Variants in ANO2 observed in about 807,000 individuals in gnomAD.
ANO2 encodes the protein anoctamin 2, also known as anoctamin-2.
Under a neutral mutation model 124.2 loss-of-function variants are expected in ANO2, and 101 were observed. The ratio of observed to expected loss-of-function variants is 0.81; its 90% CI spans 0.69 to 0.96. The LOEUF (loss-of-function observed/expected upper bound fraction) is 0.96, where lower values mean the gene tolerates loss of function less well. Among genes scored for constraint, ANO2 ranks in the 40% least tolerant of loss-of-function variants. ANO2 has a pLI of 0.00. For missense variants in ANO2, 1,293 were observed against 1,274.5 expected, an observed-to-expected ratio of 1.01 and a Z score of -0.22; for synonymous variants, 486 against 482.5, an observed-to-expected ratio of 1.01 and a Z score of -0.09.
At chr12:5,752,877 T>C (rs886109969) in intron 10 of ANO2, among the ~76,000 whole-genome samples, 12 of 152,190 alleles carry the variant, frequency 7.9e-5, no homozygotes, top group African/African-American at 2.9e-4. Flanking sequence ...CCATTTTAAG[T>C]TGGGTTTTTG....
At chr12:5,795,580 C>T (rs548071894) in intron 10 of ANO2, among the ~76,000 whole-genome samples, 1 of 152,332 alleles carries the variant, frequency 6.6e-6, no homozygotes, top group African/African-American at 2.4e-5. Context: ...CCCATGCTGT[C>T]ACAGGCAGGC....
chr12:5,704,631 C>CA (rs1396176966), intron 14 of ANO2, among the ~76,000 whole-genome samples: 1 of 152,008 alleles, frequency 6.6e-6, no homozygotes, highest in Non-Finnish European at 1.5e-5. Context: ...GGCATTTGGA[C>CA]CTGATTCTGC....
At chr12:5,669,918 T>G (rs1256697435) in intron 14 of ANO2, among the ~76,000 whole-genome samples, 1 of 152,238 alleles carries the variant, frequency 6.6e-6, no homozygotes, top group Non-Finnish European at 1.5e-5. Context: ...GAATTGCTGA[T>G]CCTTCACAGA....
At chr12:5,944,691 C>A (rs952445858) in intron 1 of ANO2, among the ~76,000 whole-genome samples, 1 of 152,150 alleles carries the variant, frequency 6.6e-6, no homozygotes, top group Non-Finnish European at 1.5e-5. Context: ...TTCCTGAATG[C>A]GGTTTTGGGT....
At chr12:5,607,100 T>C (rs1010697762) in intron 19 of ANO2, among the ~76,000 whole-genome samples, 8 of 149,742 alleles carry the variant, frequency 5.3e-5, no homozygotes, top group Admixed American at 2.0e-4. Flanking sequence ...TTAAAATGAA[T>C]ATGTACCTCC....
intron 3 of ANO2, among the ~76,000 whole-genome samples, chr12:5,882,416 A>G (rs1938565432): frequency 6.6e-6 from 1 of 152,212 alleles, no homozygotes; most frequent in African/African-American, 2.4e-5. Context: ...CTTGAGGAAG[A>G]GAATTTTGAG....
At chr12:5,879,887 A>T (rs898040278) in intron 3 of ANO2, among the ~76,000 whole-genome samples, 2 of 152,192 alleles carry the variant, frequency 1.3e-5, no homozygotes, top group Non-Finnish European at 2.9e-5. Flanking sequence ...GAAAGATTTT[A>T]ATGAGGAAAT....
chr12:5,651,056 G>A (rs1946893279), intron 14 of ANO2, among the ~76,000 whole-genome samples: 1 of 152,246 alleles, frequency 6.6e-6, no homozygotes, highest in Non-Finnish European at 1.5e-5. Flanking sequence ...AGAGAGCTTT[G>A]TAAACTGGAA....
chr12:5,779,836 C>T (rs1952333031), intron 10 of ANO2, among the ~76,000 whole-genome samples: 2 of 152,100 alleles, frequency 1.3e-5, no homozygotes, highest in Non-Finnish European at 2.9e-5. Context: ...ATCCTTTAGT[C>T]CTCAAAAATT....
At chr12:5,941,552 A>G (rs1378935883) in intron 1 of ANO2, among the ~76,000 whole-genome samples, 1 of 152,172 alleles carries the variant, frequency 6.6e-6, no homozygotes, top group Non-Finnish European at 1.5e-5. Context: ...AAATAGTTGA[A>G]GAAGAAAAAA....
intron 15 of ANO2, among the ~76,000 whole-genome samples, chr12:5,645,074 G>A (rs1052210648): frequency 6.6e-6 from 1 of 152,100 alleles, no homozygotes; most frequent in Non-Finnish European, 1.5e-5. Flanking sequence ...GGTTTCACTA[G>A]GATTCTTCAA....
intron 13 of ANO2, among the ~76,000 whole-genome samples, chr12:5,736,637 C>G (rs934646042): frequency 6.6e-6 from 1 of 152,164 alleles, no homozygotes; most frequent in Non-Finnish European, 1.5e-5. Context: ...GACCCTTGTT[C>G]AAGTCATTCG....
At chr12:5,828,118 C>G (rs902083951) in intron 6 of ANO2, among the ~76,000 whole-genome samples, 4 of 152,192 alleles carry the variant, frequency 2.6e-5, no homozygotes, top group African/African-American at 9.7e-5. Context: ...GTAAGGAAAA[C>G]AGAGGAGCCC....
At chr12:5,713,443 T>C (rs1949889801) in intron 14 of ANO2, among the ~76,000 whole-genome samples, 1 of 152,158 alleles carries the variant, frequency 6.6e-6, no homozygotes, top group African/African-American at 2.4e-5. Flanking sequence ...CTTTAAACAT[T>C]CCCTTCCAGA....
Position 5,750,916 on chromosome 12 carries a change from T to C in ANO2, c.1110A>G (p.Thr370=). 1 of 1,611,096 alleles carries C rather than the reference T, an allele frequency of 6.2e-7. No homozygotes were observed. The highest frequency in any genetic ancestry group is 8.5e-7 in the Non-Finnish European group (1 of 1,178,430). ...GLYFAWLGLY[T]SFLIPSSVIG... ...TTACAGAAGATGGGATGAGGAATGA[T>C]GTATATAATCCCAGCCAGGCAAAAT... Residue 370 remains threonine (T), a synonymous_variant, in exon 11 of 25, where the codon ACA becomes ACG. Transcript: ENST00000682330.
intron 19 of ANO2, chr12:5,609,081 C>T (rs141958609): frequency 4.9e-4 from 74 of 152,306 alleles, no homozygotes; most frequent in African/African-American, 1.7e-3. Context: ...TCTGCATATT[C>T]TCTGGTTGTT....
rs552377002 is a variant in ANO2, at chr12:5,913,959, T to C, written c.534+7081A>G. ...GCTGGTTTTAAGAAAGTGAAGCCTT[T>C]GGGACGCCGAGACAGGCGGATCACA... On this transcript the variant is annotated intron_variant, in intron 3 of 24. Transcript: ENST00000682330. Among the ~76,000 whole-genome samples the C allele has an allele frequency of 3.9e-5, 6 of 152,272 alleles. No individual in the cohort carries two copies. In the East Asian group the frequency reaches 9.7e-4, roughly 25 times the overall value.
At position 5,732,569 on chromosome 12, in the gene ANO2, T is replaced by G. The variant is rs1591536456; in HGVS notation, c.1496A>C (p.Gln499Pro). The change falls in exon 14 of 25, where the codon CAG (glutamine) becomes CCG (proline). Residue 499 changes from glutamine to proline, a missense_variant. By Grantham distance (76) the Gln-to-Pro change is moderately conservative. Transcript: ENST00000682330. ...VREKMLKESN[Q>P]SAVQKLETNT... Reference sequence around the variant, plus strand: ...TGTTTCCAATTTCTGGACAGCAGACTGGTTGCTCTCCTTTAGCATTTTCTC... The same window carrying G: ...TGTTTCCAATTTCTGGACAGCAGACGGGTTGCTCTCCTTTAGCATTTTCTC... 2.5e-6 allele frequency: 4 copies of G among 1,613,976 alleles called. 1 individual carries two copies. The Admixed American group carries it at 6.7e-5, about 27-fold the overall frequency.
intron 1 of ANO2, among the ~76,000 whole-genome samples, chr12:5,940,621 C>T (rs1348911234): frequency 6.6e-6 from 1 of 152,204 alleles, no homozygotes; most frequent in Non-Finnish European, 1.5e-5. Flanking sequence ...TGAATAATAA[C>T]AACTGCTGGT....
Sources: gnomAD v4.1 joint callset for allele counts (sites outside exome capture counted in the v4.1 genomes callset) on GRCh38, gnomAD v4.1.1 for gene constraint, MANE v1.5 for transcripts, NCBI Gene and HGNC (gene_info 2026-07-23, HGNC 2026-07-21) for gene names.